IFT140: variants seen among roughly 807,000 people sequenced by gnomAD.
The protein encoded by IFT140 is intraflagellar transport 140.
Under a neutral mutation model 164.6 loss-of-function variants are expected in IFT140, and 133 were observed. The observed-to-expected ratio is 0.81, with a 90% CI of 0.70 to 0.93. The LOEUF is 0.93. Among genes scored for constraint, IFT140 ranks in the 40% least tolerant of loss-of-function variants. The pLI, the probability that IFT140 is intolerant of heterozygous loss-of-function variation, is 0.00. For missense variants in IFT140, 2,045 were observed against 1,972.3 expected, an observed-to-expected ratio of 1.04 and a Z score of -0.70; for synonymous variants, 860 against 817.3, an observed-to-expected ratio of 1.05 and a Z score of -0.89.
chr16:1,583,204 C>T (rs951629623), intron 12 of IFT140, 110 bp downstream of exon 12: 12 of 951,114 alleles, frequency 1.3e-5, no homozygotes, highest in South Asian at 9.6e-5. Context: ...ACAAGGGTCT[C>T]CCCAGCCCCT....
chr16:1,594,596 G>T (rs115682330), intron 4 of IFT140, among the ~76,000 whole-genome samples: 6 of 152,320 alleles, frequency 3.9e-5, no homozygotes, highest in African/African-American at 1.4e-4. Flanking sequence ...GGAGAATGGG[G>T]TAAGAAGTGA....
chr16:1,546,501 C>T (rs972320771), intron 19 of IFT140, among the ~76,000 whole-genome samples: 1 of 152,318 alleles, frequency 6.6e-6, no homozygotes, highest in Non-Finnish European at 1.5e-5. Flanking sequence ...GATGTGCCCT[C>T]GTCAGCAATG....
intron 19 of IFT140, among the ~76,000 whole-genome samples, chr16:1,545,491 C>T (rs984160271): frequency 6.6e-6 from 1 of 152,218 alleles, no homozygotes; most frequent in African/African-American, 2.4e-5. Context: ...TTTCTTCTAT[C>T]ATGTTGCTAA....
At chr16:1,597,919 G>C (rs2035544943) in intron 4 of IFT140, among the ~76,000 whole-genome samples, 1 of 152,150 alleles carries the variant, frequency 6.6e-6, no homozygotes, top group Non-Finnish European at 1.5e-5. Context: ...ACCATGCCTG[G>C]CTTACTTGTT....
At position 1,551,548 on chromosome 16, in the gene IFT140, A is replaced by T. The variant is rs997026857; in HGVS notation, c.2399+6387T>A. ...GAGACAGGATGTGAGTTTCATACAGATCAGGGTGCAGCGGTGGAGGGAGGG... is the reference window on the plus strand; with the variant it reads ...GAGACAGGATGTGAGTTTCATACAGTTCAGGGTGCAGCGGTGGAGGGAGGG... On this transcript the variant is annotated intron_variant, in intron 19 of 30. Transcript: ENST00000426508. The surrounding 1 kb of genome is among the most constrained non-coding windows in gnomAD (Gnocchi z 4.0). Among the ~76,000 whole-genome samples the T allele has an allele frequency of 6.6e-6, 1 of 152,130 alleles. No homozygotes were observed. Among genetic ancestry groups the T allele is most frequent in the South Asian group, 2.1e-4 (1 of 4,832 alleles).
chr16:1,561,904 G>A, intron 18 of IFT140, 81 bp downstream of exon 18: 1 of 1,388,464 alleles, frequency 7.2e-7, no homozygotes, highest in Admixed American at 2.6e-5. Flanking sequence ...TCACATTTCA[G>A]CTCCCTGGGA....
intron 20 of IFT140, 72 bp from the exon 21 acceptor site, chr16:1,526,149 A>G (rs1596306138): frequency 7.1e-7 from 1 of 1,399,440 alleles, no homozygotes; most frequent in East Asian, 2.5e-5. Context: ...GTTCCACGCC[A>G]GGCCACCGGT....
At chr16:1,547,751 G>T (rs1049334574) in intron 19 of IFT140, among the ~76,000 whole-genome samples, 9 of 152,168 alleles carry the variant, frequency 5.9e-5, no homozygotes, top group African/African-American at 1.9e-4. Flanking sequence ...GGCCAGGCTG[G>T]TCTCAAGCTT....
chr16:1,562,204 G>T, intron 17 of IFT140, 88 bp from the exon 18 acceptor site: 1 of 1,197,084 alleles, frequency 8.4e-7, no homozygotes, highest in Non-Finnish European at 1.1e-6. Context: ...TACACACACT[G>T]CGTCACGGTG....
chr16:1,526,403 T>C, intron 20 of IFT140: 1 of 534,436 alleles, frequency 1.9e-6, no homozygotes, highest in Non-Finnish European at 3.3e-6. Context: ...CCCACACACC[T>C]GACAGGCACA....
chr16:1,571,637 T>G (rs748707810), intron 13 of IFT140, 103 bp from the exon 14 acceptor site: 1 of 1,243,256 alleles, frequency 8.0e-7, no homozygotes, highest in Non-Finnish European at 1.1e-6. Context: ...TCATGTGAGT[T>G]ACTGAACATT....
chr16:1,553,493 C>T lies in IFT140; in HGVS notation c.2399+4442G>A. On this transcript the variant is annotated intron_variant, in intron 19 of 30. Transcript: ENST00000426508. This position sits in a 1 kb window ranked among gnomAD's most constrained non-coding sequence, Gnocchi z 4.4. ...GCCAGGCGGAGGGACAGCAGTGGGG[C>T]TCGGCGTGGCCGGAGCCTGGGGAGG... is the stretch of plus-strand genomic sequence containing the variant. 1.2e-5 allele frequency: 12 copies of T among 985,474 alleles called. No individual in the cohort carries two copies. The highest frequency in any genetic ancestry group is 1.4e-5 in the Non-Finnish European group (12 of 829,942). 61.0% of individuals were successfully genotyped at this position (985,474 alleles called of 1,614,324 possible).
At chr16:1,565,338 G>A (rs575947471) in intron 16 of IFT140, among the ~76,000 whole-genome samples, 228 of 152,202 alleles carry the variant, frequency 1.5e-3, no homozygotes, top group African/African-American at 5.3e-3. Flanking sequence ...GGTGAGCTGT[G>A]AAGATGGAGA....
At chr16:1,579,957 C>T (rs1255242725) in intron 13 of IFT140, among the ~76,000 whole-genome samples, 1 of 143,962 alleles carries the variant, frequency 6.9e-6, no homozygotes, top group Non-Finnish European at 1.5e-5. Context: ...AAGCAAGACT[C>T]CATCTCAAAA....
At chr16:1,537,897 C>T (rs1157552906) in intron 19 of IFT140, among the ~76,000 whole-genome samples, 3 of 152,174 alleles carry the variant, frequency 2.0e-5, no homozygotes, top group Non-Finnish European at 2.9e-5. Context: ...CAAACGGGCA[C>T]GTAAGACCCT....
At chr16:1,544,136 G>A (rs2031920374) in intron 19 of IFT140, among the ~76,000 whole-genome samples, 1 of 150,010 alleles carries the variant, frequency 6.7e-6, no homozygotes, top group African/African-American at 2.5e-5. Flanking sequence ...TCCTGCCTCA[G>A]CCTCCCGTGT....
chr16:1,536,820 G>A (rs2294627), intron 19 of IFT140, among the ~76,000 whole-genome samples: 9,998 of 152,226 alleles, frequency 0.066, 564 homozygotes, highest in Admixed American at 0.18. Flanking sequence ...GCTCTCCCAC[G>A]GGGTGGCCCC....
chr16:1,601,508 G>A (rs901557660), intron 4 of IFT140, among the ~76,000 whole-genome samples: 3 of 152,154 alleles, frequency 2.0e-5, no homozygotes, highest in Non-Finnish European at 4.4e-5. Flanking sequence ...CTGAAGCATC[G>A]TTATCTGTGA....
Position 1,540,922 on chromosome 16 carries a change from C to T in IFT140, c.2400-14126G>A, listed in dbSNP as rs538236795. 2.8e-5 allele frequency: 28 copies of T among 985,284 alleles called. No homozygotes were observed. In the South Asian group the frequency reaches 9.9e-4, roughly 35 times the overall value. The allele number at this position is 985,284 out of a possible 1,614,324, so 61.0% of individuals were successfully genotyped here. On this transcript the variant is annotated intron_variant, in intron 19 of 30. Coordinates refer to ENST00000426508, the MANE Select transcript of IFT140 (RefSeq NM_014714.4). The stretch of plus-strand genomic sequence containing the variant: ...ACTCCAGGCTGAGTGTCTGTCAGCA[C>T]ACACATTGTCTGCTCTGCAGCGTGC...
Sources: allele counts gnomAD v4.1 joint callset (sites outside exome capture counted in the v4.1 genomes callset), GRCh38; gene constraint gnomAD v4.1.1; non-coding constraint Gnocchi (gnomAD v3.1); transcripts MANE v1.5; gene names NCBI Gene and HGNC (gene_info 2026-07-23, HGNC 2026-07-21).